Variants in CCSER1 observed in about 807,000 individuals in gnomAD.
CCSER1 encodes the protein coiled-coil serine rich protein 1, also known as serine-rich coiled-coil domain-containing protein 1.
Under a neutral mutation model 82.0 loss-of-function variants are expected in CCSER1, and 41 were observed. The ratio of observed to expected loss-of-function variants is 0.50; its 90% CI spans 0.39 to 0.65. CCSER1 has a LOEUF of 0.65. Among genes scored for constraint, CCSER1 ranks in the 30% least tolerant of loss-of-function variants. The probability of loss-of-function intolerance (pLI) is 0.00; values close to 1 mark genes in which losing one functional copy is unlikely to be tolerated. For synonymous variants in CCSER1, 414 were observed against 383.9 expected (o/e 1.08, Z -0.92); for missense variants, 1,119 against 1,064.2 (o/e 1.05, Z -0.72).
In CCSER1 at chr4:91,598,665, G is replaced by A; in HGVS notation, c.2311G>A (p.Ala771Thr). ...TPTEDRFRYS[A>T]ADQTSPYKNK... ...CACCGAGGACCGTTTTAGGTATTCG[G>A]CAGCGGACCAGACAAGCCCCTACAA... Residue 771 changes from alanine (A) to threonine (T), a missense_variant, in exon 11 of 11, where the codon GCA becomes ACA. Ala to Thr is a moderately conservative substitution (Grantham distance 58, BLOSUM62 0). Coordinates refer to ENST00000509176, the MANE Select transcript of CCSER1 (RefSeq NM_001145065.2). 1 of 1,551,288 alleles carries A rather than the reference G, an allele frequency of 6.4e-7. No individual in the cohort carries two copies. Among genetic ancestry groups the A allele is most frequent in the South Asian group, 1.2e-5 (1 of 84,036 alleles).
intron 1 of CCSER1, among the ~76,000 whole-genome samples, chr4:90,286,868 G>C (rs773635786): frequency 6.6e-6 from 1 of 151,926 alleles, no homozygotes; most frequent in Non-Finnish European, 1.5e-5. Flanking sequence ...TTCATGACTT[G>C]ATTTCTTAAA....
At chr4:90,212,671 T>G (rs935408223) in intron 1 of CCSER1, among the ~76,000 whole-genome samples, 1 of 152,158 alleles carries the variant, frequency 6.6e-6, no homozygotes, top group Non-Finnish European at 1.5e-5. Flanking sequence ...AGTTTGAAAC[T>G]CCAAAAGAGT....
intron 1 of CCSER1, among the ~76,000 whole-genome samples, chr4:90,159,308 G>A (rs1443197334): frequency 1.3e-5 from 2 of 152,086 alleles, no homozygotes; most frequent in African/African-American, 4.8e-5. Flanking sequence ...GCCTCCTAAA[G>A]CACTGGGATT....
chr4:90,461,356 C>T (rs367709296), intron 4 of CCSER1, among the ~76,000 whole-genome samples: 30 of 117,116 alleles, frequency 2.6e-4, no homozygotes, highest in Non-Finnish European at 4.3e-4. Context: ...CGTGAGCCAC[C>T]GCGCCCGGCC....
chr4:90,884,038 A>C (rs1721740398), intron 8 of CCSER1, among the ~76,000 whole-genome samples: 1 of 152,120 alleles, frequency 6.6e-6, no homozygotes, highest in African/African-American at 2.4e-5. Context: ...AGAGTCAGTG[A>C]GGGGTAGAGG....
intron 10 of CCSER1, among the ~76,000 whole-genome samples, chr4:91,212,270 G>A (rs7696664): frequency 0.4 from 60,823 of 151,504 alleles, 12,941 homozygotes; most frequent in East Asian, 0.84. Flanking sequence ...TTTGAAAACA[G>A]TTGTTCTTAA....
intron 4 of CCSER1, among the ~76,000 whole-genome samples, chr4:90,451,144 C>T (rs540566969): frequency 5.9e-5 from 9 of 152,208 alleles, no homozygotes; most frequent in Admixed American, 1.3e-4. Context: ...CTTTTATACC[C>T]GCTGGGTGAC....
At chr4:90,438,095 G>T (rs1560517372) in intron 4 of CCSER1, among the ~76,000 whole-genome samples, 1 of 152,016 alleles carries the variant, frequency 6.6e-6, no homozygotes, top group Non-Finnish European at 1.5e-5. Context: ...CATTGAAAAA[G>T]CTTATTGCTA....
intron 1 of CCSER1, among the ~76,000 whole-genome samples, chr4:90,130,274 A>G (rs1386632613): frequency 6.6e-6 from 1 of 152,206 alleles, no homozygotes; most frequent in East Asian, 1.9e-4. Context: ...GAGGAATCTG[A>G]TGCTCATGCT....
At chr4:90,853,429 G>A (rs573769323) in intron 8 of CCSER1, among the ~76,000 whole-genome samples, 14 of 152,076 alleles carry the variant, frequency 9.2e-5, no homozygotes, top group Non-Finnish European at 1.9e-4. Context: ...AAGAAAATCA[G>A]ACAAGATGTA....
chr4:90,420,174 G>T (rs1023914483), intron 4 of CCSER1, among the ~76,000 whole-genome samples: 1 of 151,732 alleles, frequency 6.6e-6, no homozygotes, highest in Non-Finnish European at 1.5e-5. Context: ...GTTTTTGCTC[G>T]ACCAATTTAC....
intron 7 of CCSER1, among the ~76,000 whole-genome samples, chr4:90,796,935 T>C (rs1320802303): frequency 1.3e-5 from 2 of 152,198 alleles, no homozygotes; most frequent in Non-Finnish European, 1.5e-5. Flanking sequence ...GTATGTGCCA[T>C]GTGACAATGA....
chr4:91,278,123 T>A (rs1209151471), intron 10 of CCSER1, among the ~76,000 whole-genome samples: 1 of 152,112 alleles, frequency 6.6e-6, no homozygotes, highest in Non-Finnish European at 1.5e-5. Flanking sequence ...ATGTTCCATA[T>A]GCTAAGGAGA....
intron 5 of CCSER1, among the ~76,000 whole-genome samples, chr4:90,519,155 A>T (rs1238552515): frequency 1.3e-5 from 2 of 151,882 alleles, no homozygotes; most frequent in African/African-American, 2.4e-5. Context: ...ATCTCCATTC[A>T]TTCATTCATT....
intron 7 of CCSER1, among the ~76,000 whole-genome samples, chr4:90,746,367 A>G (rs1247432655): frequency 2.6e-5 from 4 of 152,210 alleles, no homozygotes; most frequent in African/African-American, 9.6e-5. Context: ...ATTTTATCCT[A>G]TCTTACAGTA....
At chr4:90,398,200 A>G (rs971539190) in intron 3 of CCSER1, among the ~76,000 whole-genome samples, 4 of 152,122 alleles carry the variant, frequency 2.6e-5, no homozygotes, top group Non-Finnish European at 5.9e-5. Context: ...CTATTCTTAT[A>G]AGAACACCAG....
intron 9 of CCSER1, among the ~76,000 whole-genome samples, chr4:90,957,327 C>G (rs1225810240): frequency 2.0e-5 from 3 of 147,746 alleles, no homozygotes; most frequent in East Asian, 4.0e-4. Context: ...GTCTTCAACT[C>G]TTGACCTTGT....
At chr4:91,577,463 A>T (rs1763504499) in intron 10 of CCSER1, among the ~76,000 whole-genome samples, 1 of 147,834 alleles carries the variant, frequency 6.8e-6, no homozygotes. Flanking sequence ...AAAATAAAAT[A>T]AAAAAAAATA....
At chr4:91,279,170 C>T (rs79155259) in intron 10 of CCSER1, among the ~76,000 whole-genome samples, 8 of 151,850 alleles carry the variant, frequency 5.3e-5, no homozygotes, top group Admixed American at 1.3e-4. Context: ...AGAAGTGAGT[C>T]GATGCTTTTC....
Sources: allele counts gnomAD v4.1 joint callset (sites outside exome capture counted in the v4.1 genomes callset), GRCh38; gene constraint gnomAD v4.1.1; transcripts MANE v1.5; gene names NCBI Gene and HGNC (gene_info 2026-07-23, HGNC 2026-07-21).